AIMP2: variants seen among roughly 807,000 people sequenced by gnomAD.
AIMP2 encodes aminoacyl tRNA synthase complex-interacting multifunctional protein 2.
Under a neutral mutation model 23.4 loss-of-function variants are expected in AIMP2, and 20 were observed. The ratio of observed to expected loss-of-function variants is 0.85; its 90% CI spans 0.60 to 1.24. The LOEUF (loss-of-function observed/expected upper bound fraction) is 1.24, where lower values mean the gene tolerates loss of function less well. Ranked by LOEUF, AIMP2 falls within the 50% of genes most tolerant of loss-of-function variation. The pLI is 0.00. For synonymous variants in AIMP2, 210 were observed against 170.4 expected, an observed-to-expected ratio of 1.23 and a Z score of -1.81; for missense variants, 515 against 414.5, an observed-to-expected ratio of 1.24 and a Z score of -2.10.
intron 1 of AIMP2, among the ~76,000 whole-genome samples, chr7:6,012,112 G>C (rs1459833929): frequency 3.3e-5 from 5 of 152,054 alleles, no homozygotes; most frequent in African/African-American, 1.2e-4. Context: ...ACTTAGCCAG[G>C]TGTGGTAGCA....
rs1160411494 is a variant in AIMP2 at position 6,023,404 on chromosome 7, A to G, written c.676A>G (p.Asn226Asp). Reference sequence around the variant, plus strand: ...GTTCTCTCTGTTTGGCCAGAAGCATAATGCTGTCAACGCAACCCTTATAGA... The same window carrying G: ...GTTCTCTCTGTTTGGCCAGAAGCATGATGCTGTCAACGCAACCCTTATAGA... ...FLFSLFGQKH[N>D]AVNATLIDSW... The change falls in exon 4 of 4, where the codon AAT becomes GAT. Residue 226 changes from asparagine to aspartate, a missense_variant. Physicochemically the swap from Asn to Asp is conservative, Grantham distance 23. Transcript: ENST00000223029. 23 of 1,614,244 alleles carry G rather than the reference A, an allele frequency of 1.4e-5. No homozygotes were observed. Among genetic ancestry groups the G allele is most frequent in the Non-Finnish European group, 1.9e-5 (23 of 1,180,052 alleles).
intron 3 of AIMP2, chr7:6,022,901 C>T (rs865839849): frequency 5.5e-6 from 1 of 183,434 alleles, no homozygotes; most frequent in East Asian, 1.5e-4. Flanking sequence ...TGGAGATAAG[C>T]GAGTTCATGT....
chr7:6,012,968 G>A (rs1395086481), intron 1 of AIMP2: 4 of 987,538 alleles, frequency 4.1e-6, no homozygotes, highest in Non-Finnish European at 4.8e-6. Flanking sequence ...AGGTGAGAAA[G>A]TGCTGATTAA....
chr7:6,015,386 G>T, intron 2 of AIMP2, 34 bp downstream of exon 2: 2 of 1,603,356 alleles, frequency 1.2e-6, no homozygotes, highest in Non-Finnish European at 1.7e-6. Context: ...ACGTTAGTAG[G>T]TACTGAGTGG....
intron 1 of AIMP2, among the ~76,000 whole-genome samples, chr7:6,011,216 G>C (rs551297280): frequency 6.6e-6 from 1 of 152,232 alleles, no homozygotes; most frequent in African/African-American, 2.4e-5. Flanking sequence ...TCAGCGGCCC[G>C]CCTGGCTTTC....
At chr7:6,009,955 A>G (rs1245462293) in intron 1 of AIMP2, among the ~76,000 whole-genome samples, 1 of 63,058 alleles carries the variant, frequency 1.6e-5, no homozygotes, top group Non-Finnish European at 2.9e-5. Context: ...ATCTCAAAAA[A>G]AAAAAAAAAA....
intron 3 of AIMP2, among the ~76,000 whole-genome samples, chr7:6,020,323 A>G (rs866407647): frequency 6.6e-5 from 10 of 152,068 alleles, no homozygotes; most frequent in African/African-American, 2.4e-4. Context: ...CAGGAGACTG[A>G]GACAGGAGAA....
intron 1 of AIMP2, among the ~76,000 whole-genome samples, chr7:6,014,250 C>CTTTTTTTTTT (rs57008315): frequency 1.0e-4 from 7 of 67,518 alleles, no homozygotes; most frequent in Non-Finnish European, 1.0e-4. Context: ...TTTGTTGAAG[C>CTTTTTTTTTT]TTTTTTTTTT....
intron 2 of AIMP2, 55 bp from the exon 3 acceptor site, chr7:6,017,759 C>G: frequency 1.3e-6 from 2 of 1,506,724 alleles, no homozygotes; most frequent in Non-Finnish European, 9.0e-7. Flanking sequence ...TCGCGCCCGG[C>G]ACAGTGGCAC....
At chr7:6,013,379 A>C (rs1425389384) in intron 1 of AIMP2, among the ~76,000 whole-genome samples, 2 of 148,986 alleles carry the variant, frequency 1.3e-5, no homozygotes, top group East Asian at 4.0e-4. Context: ...CTCCTGCCTC[A>C]GCCTCCTGAA....
intron 1 of AIMP2, among the ~76,000 whole-genome samples, chr7:6,010,672 C>T (rs536733795): frequency 6.6e-6 from 1 of 152,144 alleles, no homozygotes; most frequent in Non-Finnish European, 1.5e-5. Flanking sequence ...TGATCTCGAA[C>T]TCCTGACCTC....
chr7:6,009,641 G>C (rs937206345), intron 1 of AIMP2, 143 bp downstream of exon 1: 3 of 704,888 alleles, frequency 4.3e-6, no homozygotes, highest in Non-Finnish European at 4.0e-6. Flanking sequence ...GACTCACTCA[G>C]ACTTTTATGT....
intron 1 of AIMP2, 144 bp from the exon 2 acceptor site, chr7:6,015,002 G>A (rs1436011469): frequency 3.6e-5 from 54 of 1,506,582 alleles, no homozygotes; most frequent in Non-Finnish European, 4.7e-5. Flanking sequence ...TTACAGGCGT[G>A]AGCCACCACA....
intron 1 of AIMP2, chr7:6,012,561 G>GTTT: frequency 1.0e-5 from 2 of 194,186 alleles, no homozygotes; most frequent in Non-Finnish European, 1.1e-5. Flanking sequence ...CCTGACCGAG[G>GTTT]TTTTTTTTGT....
chr7:6,011,930 G>T (rs1167241881), intron 1 of AIMP2, among the ~76,000 whole-genome samples: 1 of 152,196 alleles, frequency 6.6e-6, no homozygotes, highest in Non-Finnish European at 1.5e-5. Flanking sequence ...TCTCTAGGAG[G>T]TGATAACAAT....
intron 1 of AIMP2, among the ~76,000 whole-genome samples, chr7:6,011,716 G>C (rs1302163864): frequency 6.6e-6 from 1 of 152,172 alleles, no homozygotes. Flanking sequence ...CCTGCACCTA[G>C]AGAGTGCCGT....
At position 6,009,974 on chromosome 7, in the gene AIMP2, A is replaced by AAAAAT; in HGVS notation, c.135+477_135+478insAAATA. Among the ~76,000 whole-genome samples the AAAAAT allele has an allele frequency of 4.9e-4, 13 of 26,674 alleles. 1 individual carries two copies. The highest frequency in any genetic ancestry group is 1.8e-3 in the African/African-American group (13 of 7,146). 17.5% of individuals were successfully genotyped at this position (26,674 alleles called of 152,430 possible). ...CAAAAAAAAAAAAAAAAAAAAAAAA[A>AAAAAT]ATATATATATATATATATGTATGTA... is the stretch of plus-strand genomic sequence containing the variant. On this transcript the variant is annotated intron_variant, in intron 1 of 3. Transcript: ENST00000223029.
intron 3 of AIMP2, among the ~76,000 whole-genome samples, chr7:6,018,590 C>T (rs1046275926): frequency 3.9e-5 from 6 of 151,920 alleles, no homozygotes; most frequent in East Asian, 1.9e-4. Flanking sequence ...AATCCCAGCA[C>T]TTTGTGAGGC....
chr7:6,009,480 G>C lies in AIMP2; in HGVS notation c.117G>C (p.Pro39=), dbSNP rs566052179. Residue 39 remains proline (P), a synonymous_variant, in exon 1 of 4, where the codon CCG becomes CCC. Transcript: ENST00000223029. ...ACGGCAGGAGCTACGGCCCAGCGCC[G>C]GGCGCTGGCCACGTGCAGGTAGGAG... ...NVHGRSYGPA[P]GAGHVQEESN... is the part of the protein sequence containing the mutation. The C allele has an allele frequency of 1.3e-6, 2 of 1,578,616 alleles. No individual in the cohort carries two copies. Among genetic ancestry groups the C allele is most frequent in the South Asian group, 2.3e-5 (2 of 88,134 alleles).
Sources: gnomAD v4.1 joint callset for allele counts (sites outside exome capture counted in the v4.1 genomes callset) on GRCh38, gnomAD v4.1.1 for gene constraint, MANE v1.5 for transcripts, NCBI Gene and HGNC (gene_info 2026-07-23, HGNC 2026-07-21) for gene names.